Variants in ZNF662 observed in about 807,000 individuals in gnomAD.
ZNF662 encodes the protein zinc finger protein 662.
Under a neutral mutation model 12.4 loss-of-function variants are expected in ZNF662, and 14 were observed. The observed-to-expected ratio is 1.13, with a 90% CI of 0.75 to 1.77. ZNF662 has a LOEUF of 1.77. ZNF662 is among the 40% of genes most tolerant of loss of function. The pLI, the probability that ZNF662 is intolerant of heterozygous loss-of-function variation, is 0.00. For missense variants in ZNF662, 550 were observed against 515.6 expected, an observed-to-expected ratio of 1.07 and a Z score of -0.65; for synonymous variants, 184 against 176.4, an observed-to-expected ratio of 1.04 and a Z score of -0.34.
Position 42,908,836 on chromosome 3 carries a change from G to A in ZNF662, c.78G>A (p.Glu26=). The change falls in exon 3 of 5, where the codon GAG becomes GAA. Residue 26 remains glutamate, a synonymous_variant. Coordinates refer to ENST00000440367, the MANE Select transcript of ZNF662 (RefSeq NM_207404.4). Reference sequence around the variant, plus strand: ...AACCGGCTCTGATTTCCCAGCTGGAGCGAGGGGAAACACCCTGGTGCTCGG... The same window carrying A: ...AACCGGCTCTGATTTCCCAGCTGGAACGAGGGGAAACACCCTGGTGCTCGG... ...FPKPALISQL[E]RGETPWCSVP... 2 of 1,614,124 alleles carry A rather than the reference G, an allele frequency of 1.2e-6. No homozygotes were observed. The highest frequency in any genetic ancestry group is 1.7e-6 in the Non-Finnish European group (2 of 1,180,012).
chr3:42,917,926 G>A lies in ZNF662; in HGVS notation c.*2572G>A, dbSNP rs1018447198. ...GTTCAAGACCAGCCTGACCAACATA[G>A]AGAGACCCCGTCTCTACTAAAAATA... On this transcript the variant is annotated 3_prime_UTR_variant, in exon 5 of 5. Transcript: ENST00000440367. Among the ~76,000 whole-genome samples the A allele has an allele frequency of 6.6e-6, 1 of 152,182 alleles. No homozygotes were observed. Among genetic ancestry groups the A allele is most frequent in the Non-Finnish European group, 1.5e-5 (1 of 68,038 alleles).
chr3:42,909,725 G>A (rs924435118), intron 3 of ZNF662, among the ~76,000 whole-genome samples: 6 of 151,758 alleles, frequency 4.0e-5, no homozygotes, highest in Non-Finnish European at 5.9e-5. Context: ...GCGGCTGGCC[G>A]GGCGGAGGAG....
Position 42,917,930 on chromosome 3 carries a change from G to C in ZNF662, c.*2576G>C, listed in dbSNP as rs1470617888. On this transcript the variant is annotated 3_prime_UTR_variant, in exon 5 of 5. Coordinates refer to ENST00000440367, the MANE Select transcript of ZNF662 (RefSeq NM_207404.4). Reference sequence around the variant, plus strand: ...AAGACCAGCCTGACCAACATAGAGAGACCCCGTCTCTACTAAAAATACAAA... The same window carrying C: ...AAGACCAGCCTGACCAACATAGAGACACCCCGTCTCTACTAAAAATACAAA... Among the ~76,000 whole-genome samples the C allele has an allele frequency of 6.6e-6, 1 of 152,154 alleles. No individual in the cohort carries two copies. The highest frequency in any genetic ancestry group is 2.4e-5 in the African/African-American group (1 of 41,448).
chr3:42,906,415 C>A lies in ZNF662; in HGVS notation c.-94+247C>A. The stretch of plus-strand genomic sequence containing the variant: ...CCTTGTCCTCGAGCTGCTCCCGGGA[C>A]AGCCCGCGCTGCCCCGGGCGCGCCG... On this transcript the variant is annotated intron_variant, in intron 1 of 4. Coordinates refer to ENST00000440367, the MANE Select transcript of ZNF662 (RefSeq NM_207404.4). This position sits in a 1 kb window ranked among gnomAD's most constrained non-coding sequence, Gnocchi z 4.4. 6.7e-7 allele frequency: 1 copy of A among 1,494,670 alleles called. No individual in the cohort carries two copies. The highest frequency in any genetic ancestry group is 8.9e-7 in the Non-Finnish European group (1 of 1,126,532). The allele number at this position is 1,494,670 out of a possible 1,614,324, so 92.6% of individuals were successfully genotyped here. A position where few individuals can be genotyped will look rare whatever the true frequency, so the allele number is the denominator to read the frequency against.
intron 2 of ZNF662, 29 bp from the exon 3 acceptor site, chr3:42,908,764 C>T (rs566268098): frequency 1.2e-6 from 2 of 1,606,074 alleles, no homozygotes; most frequent in South Asian, 1.1e-5. Context: ...ATGCCACTCA[C>T]CTGCCTGTCC....
chr3:42,908,719 CT>C (rs1385958460), intron 2 of ZNF662, 73 bp from the exon 3 acceptor site: 1 of 1,526,494 alleles, frequency 6.6e-7, no homozygotes, highest in Non-Finnish European at 9.0e-7. Context: ...CCTGAAGACA[CT>C]GGCCTGGGAG....
chr3:42,914,629 C>G lies in ZNF662; in HGVS notation c.556C>G (p.Leu186Val). 6.2e-7 allele frequency: 1 copy of G among 1,614,108 alleles called. No homozygotes were observed. Among genetic ancestry groups the G allele is most frequent in the Non-Finnish European group, 8.5e-7 (1 of 1,180,028 alleles). ...CCTCCTTGGTATACATCACAAAATT[C>G]TAAATGAGCAAATATTCTATATATG... ...NNLLGIHHKI[L>V]NEQIFYICEE... The change falls in exon 5 of 5, where the codon CTA becomes GTA. Residue 186 changes from leucine to valine, a missense_variant. Leu to Val is a conservative substitution (Grantham distance 32). Coordinates refer to ENST00000440367, the MANE Select transcript of ZNF662 (RefSeq NM_207404.4).
chr3:42,913,617 T>A (rs985970318), intron 4 of ZNF662, among the ~76,000 whole-genome samples: 4 of 152,168 alleles, frequency 2.6e-5, no homozygotes, highest in African/African-American at 7.2e-5. Flanking sequence ...ATTGTGTTAG[T>A]TGTTAGAGAT....
rs2088876636 is a variant in ZNF662 at position 42,914,670 on chromosome 3, G to A, written c.597G>A (p.Lys199=). 6.8e-6 allele frequency: 11 copies of A among 1,614,208 alleles called. No homozygotes were observed. Among genetic ancestry groups the A allele is most frequent in the Non-Finnish European group, 9.3e-6 (11 of 1,180,044 alleles). ...TCTATATATGTGAGGAATGCGGCAA[G>A]TGTTTTGATCAAAATGAGGACTTTG... The part of the protein sequence containing the change: ...QIFYICEECG[K]CFDQNEDFDQ... The change falls in exon 5 of 5, where the codon AAG becomes AAA. Residue 199 remains lysine (K), a synonymous_variant. Coordinates refer to ENST00000440367, the MANE Select transcript of ZNF662 (RefSeq NM_207404.4).
At chr3:42,914,093 T>C (rs1369399040) in intron 4 of ZNF662, among the ~76,000 whole-genome samples, 1 of 150,534 alleles carries the variant, frequency 6.6e-6, no homozygotes, top group African/African-American at 2.5e-5. Flanking sequence ...GAGCCTACCC[T>C]GGTCCTTGGT....
rs911435128 is a variant in ZNF662, at chr3:42,917,498, G to A, written c.*2144G>A. The A allele has an allele frequency of 2.2e-4, 154 of 702,824 alleles. No individual in the cohort carries two copies. The African/African-American group carries it at 2.2e-3, about 10-fold the overall frequency. 43.5% of individuals were successfully genotyped at this position (702,824 alleles called of 1,614,324 possible). On this transcript the variant is annotated 3_prime_UTR_variant, in exon 5 of 5. Transcript: ENST00000440367. ...CTACCATATGGAGCCTAAGGATAAA[G>A]CCAATACCAAAGAAAACAGTGACTA...
At position 42,915,194 on chromosome 3, in the gene ZNF662, A is replaced by G. The variant is rs771672866; in HGVS notation, c.1121A>G (p.His374Arg). The change falls in exon 5 of 5, where the codon CAT becomes CGT. Residue 374 changes from histidine (H) to arginine (R), a missense_variant. Physicochemically the swap from His to Arg is conservative, Grantham distance 29. Coordinates refer to ENST00000440367, the MANE Select transcript of ZNF662 (RefSeq NM_207404.4). ...GGGAAAAGCTTCTTTTGCAAGGCAC[A>G]TCTTATTCGACATCAAAGAATCCAT... ...DCGKSFFCKA[H>R]LIRHQRIHTG... is the part of the protein sequence containing the mutation. The G allele has an allele frequency of 2.5e-6, 4 of 1,614,116 alleles. No homozygotes were observed. The highest frequency in any genetic ancestry group is 1.1e-5 in the South Asian group (1 of 91,080).
rs1371433430 is a variant in ZNF662, at chr3:42,914,635, G to A, written c.562G>A (p.Glu188Lys). 1 of 1,614,152 alleles carries A rather than the reference G, an allele frequency of 6.2e-7. No individual in the cohort carries two copies. Among genetic ancestry groups the A allele is most frequent in the Admixed American group, 1.7e-5 (1 of 60,022 alleles). Residue 188 changes from glutamate (E) to lysine (K), a missense_variant, in exon 5 of 5, where the codon GAG becomes AAG. Coordinates refer to ENST00000440367, the MANE Select transcript of ZNF662 (RefSeq NM_207404.4). ...TGGTATACATCACAAAATTCTAAAT[G>A]AGCAAATATTCTATATATGTGAGGA... The part of the protein sequence containing the change: ...LLGIHHKILN[E>K]QIFYICEECG...
chr3:42,906,161 C>T lies in ZNF662; in HGVS notation c.-101C>T. The T allele has an allele frequency of 5.5e-6, 3 of 545,702 alleles. No individual in the cohort carries two copies. In the South Asian group the frequency reaches 7.5e-5, roughly 14 times the overall value. The allele number at this position is 545,702 out of a possible 1,614,324, so 33.8% of individuals were successfully genotyped here. A position where few individuals can be genotyped will look rare whatever the true frequency, so the allele number is the denominator to read the frequency against. On this transcript the variant is annotated 5_prime_UTR_variant, in exon 1 of 5. Transcript: ENST00000440367. This position sits in a 1 kb window ranked among gnomAD's most constrained non-coding sequence, Gnocchi z 4.4. ...AGCCCCGGCCTCCCGGATGCTGGGG[C>T]CTGGCGGGTGTGGAGCACGGGGAGT...
chr3:42,906,360 C>A lies in ZNF662; in HGVS notation c.-94+192C>A. ...AGAGGGCGACCTGGGCTATGGCGGCCGTGGCGCTGGCGAGCGGGACACGCC... is the reference window on the plus strand; with the variant it reads ...AGAGGGCGACCTGGGCTATGGCGGCAGTGGCGCTGGCGAGCGGGACACGCC... On this transcript the variant is annotated intron_variant, in intron 1 of 4. Coordinates refer to ENST00000440367, the MANE Select transcript of ZNF662 (RefSeq NM_207404.4). This position sits in a 1 kb window ranked among gnomAD's most constrained non-coding sequence, Gnocchi z 4.4. 6.5e-7 allele frequency: 1 copy of A among 1,527,948 alleles called. No homozygotes were observed. The highest frequency in any genetic ancestry group is 8.8e-7 in the Non-Finnish European group (1 of 1,142,266). The allele number at this position is 1,527,948 out of a possible 1,614,324, so 94.6% of individuals were successfully genotyped here. A position where few individuals can be genotyped will look rare whatever the true frequency, so the allele number is the denominator to read the frequency against.
intron 3 of ZNF662, among the ~76,000 whole-genome samples, chr3:42,912,680 T>TATAA (rs1559381553): frequency 8.8e-5 from 2 of 22,652 alleles, no homozygotes; most frequent in Non-Finnish European, 2.1e-4. Flanking sequence ...TTTATATATA[T>TATAA]AAATATATAT....
chr3:42,907,280 TGA>T (rs2088695936), intron 1 of ZNF662, among the ~76,000 whole-genome samples: 1 of 152,054 alleles, frequency 6.6e-6, no homozygotes, highest in Non-Finnish European at 1.5e-5. Context: ...GGGATCTTTG[TGA>T]GAGTGTTGCG....
In ZNF662 at chr3:42,906,306, G is replaced by A; in HGVS notation, c.-94+138G>A. 1.3e-6 allele frequency: 2 copies of A among 1,516,900 alleles called. No individual in the cohort carries two copies. The highest frequency in any genetic ancestry group is 2.6e-5 in the East Asian group (1 of 38,940). 94.0% of individuals were successfully genotyped at this position (1,516,900 alleles called of 1,614,324 possible). On this transcript the variant is annotated intron_variant, in intron 1 of 4. Transcript: ENST00000440367. The surrounding 1 kb of genome is among the most constrained non-coding windows in gnomAD (Gnocchi z 4.4). ...CTCTTCCGCGACCCCAACAGCCTCTGGTCCGGTCTGGCGCGCCCTCGCTTT... is the reference window on the plus strand; with the variant it reads ...CTCTTCCGCGACCCCAACAGCCTCTAGTCCGGTCTGGCGCGCCCTCGCTTT...
chr3:42,909,219 G>A (rs1024387074), intron 3 of ZNF662, among the ~76,000 whole-genome samples: 4 of 152,150 alleles, frequency 2.6e-5, no homozygotes, highest in African/African-American at 7.2e-5. Context: ...GCCGCCTTCC[G>A]TAGTGTTTGT....
Sources: allele counts gnomAD v4.1 joint callset (sites outside exome capture counted in the v4.1 genomes callset), GRCh38; gene constraint gnomAD v4.1.1; non-coding constraint Gnocchi (gnomAD v3.1); transcripts MANE v1.5; gene names NCBI Gene and HGNC (gene_info 2026-07-23, HGNC 2026-07-21).